Variants in LRP1B observed in about 807,000 individuals in gnomAD.
LRP1B encodes the protein low-density lipoprotein receptor-related protein 1B.
A neutral mutation model predicts 556.6 loss-of-function variants in LRP1B; 217 were observed. The observed-to-expected ratio is 0.39, with a 90% CI of 0.35 to 0.44. The LOEUF (loss-of-function observed/expected upper bound fraction) is 0.44. Ranked by LOEUF, LRP1B falls within the 20% of genes least tolerant of loss-of-function variation. The pLI is 1.00. For missense variants in LRP1B, 5,053 were observed against 5,620.8 expected (o/e 0.90, Z 3.23); for synonymous variants, 2,047 against 1,865.8 (o/e 1.10, Z -2.50).
chr2:141,482,138 TAAAAG>T (rs923195680), intron 2 of LRP1B, among the ~76,000 whole-genome samples: 3 of 152,076 alleles, frequency 2.0e-5, no homozygotes, highest in African/African-American at 7.2e-5. Context: ...AGAAAACAAA[TAAAAG>T]AAAACAAAAA....
chr2:141,233,610 T>C (rs1265399832), intron 5 of LRP1B, among the ~76,000 whole-genome samples: 1 of 152,136 alleles, frequency 6.6e-6, no homozygotes, highest in Non-Finnish European at 1.5e-5. Flanking sequence ...AAGCCTATCT[T>C]TATCTTCTCA....
chr2:141,062,559 A>C (rs1017877370), intron 7 of LRP1B, among the ~76,000 whole-genome samples: 6 of 151,794 alleles, frequency 4.0e-5, no homozygotes, highest in South Asian at 2.1e-4. Context: ...TTTAAGCCTC[A>C]TGGAGCTGAA....
chr2:141,415,394 T>A (rs1573920195), intron 3 of LRP1B, among the ~76,000 whole-genome samples: 1 of 152,136 alleles, frequency 6.6e-6, no homozygotes, highest in East Asian at 1.9e-4. Flanking sequence ...TCATCTGTGT[T>A]CCTACAAGAG....
chr2:140,749,316 T>C (rs1688489760), intron 35 of LRP1B, among the ~76,000 whole-genome samples: 1 of 152,140 alleles, frequency 6.6e-6, no homozygotes, highest in Non-Finnish European at 1.5e-5. Flanking sequence ...AATCTTTCTT[T>C]CTTCAATAAC....
chr2:141,042,235 T>G (rs879783591), intron 11 of LRP1B, among the ~76,000 whole-genome samples: 1 of 152,072 alleles, frequency 6.6e-6, no homozygotes, highest in Non-Finnish European at 1.5e-5. Context: ...GCTTATAGGC[T>G]TAGAACATGG....
intron 2 of LRP1B, among the ~76,000 whole-genome samples, chr2:141,496,160 T>G (rs1683501355): frequency 6.6e-6 from 1 of 152,014 alleles, no homozygotes; most frequent in African/African-American, 2.4e-5. Flanking sequence ...ATTAAACAAT[T>G]TCACCATTTT....
At chr2:141,399,585 A>G (rs1339218290) in intron 3 of LRP1B, among the ~76,000 whole-genome samples, 1 of 152,162 alleles carries the variant, frequency 6.6e-6, no homozygotes, top group African/African-American at 2.4e-5. Context: ...TAATATAACT[A>G]TAACCCCCAA....
intron 1 of LRP1B, among the ~76,000 whole-genome samples, chr2:141,852,954 A>G (rs111849079): frequency 1.3e-5 from 2 of 151,574 alleles, no homozygotes; most frequent in South Asian, 4.1e-4. Context: ...CATCATTATC[A>G]TATGGTGCAT....
intron 27 of LRP1B, 32 bp downstream of exon 27, chr2:140,867,558 G>A (rs1692988177): frequency 6.4e-7 from 1 of 1,572,518 alleles, no homozygotes; most frequent in Admixed American, 1.8e-5. Context: ...ATACTTTCTG[G>A]GTGGTTAATC....
intron 41 of LRP1B, among the ~76,000 whole-genome samples, chr2:140,694,478 G>T (rs1686357563): frequency 6.6e-6 from 1 of 152,038 alleles, no homozygotes; most frequent in Non-Finnish European, 1.5e-5. Context: ...ACTACTTCTG[G>T]TAGCATCTTA....
intron 84 of LRP1B, among the ~76,000 whole-genome samples, chr2:140,286,955 C>CTGAG (rs764961131): frequency 6.1e-4 from 92 of 151,804 alleles, no homozygotes; most frequent in African/African-American, 2.2e-3. Flanking sequence ...GATAGTGTAA[C>CTGAG]TGTCACCTGT....
intron 59 of LRP1B, among the ~76,000 whole-genome samples, chr2:140,476,018 G>C (rs1442410185): frequency 6.6e-6 from 1 of 151,910 alleles, no homozygotes; most frequent in Non-Finnish European, 1.5e-5. Flanking sequence ...AGATAGGACA[G>C]TTCCAAAAGT....
chr2:141,427,491 G>C (rs181525403), intron 3 of LRP1B, among the ~76,000 whole-genome samples: 28 of 152,242 alleles, frequency 1.8e-4, no homozygotes, highest in Admixed American at 9.2e-4. Flanking sequence ...TTGCTGTCTT[G>C]ATTTAATTAT....
intron 19 of LRP1B, among the ~76,000 whole-genome samples, chr2:140,951,220 C>T (rs1362466267): frequency 6.6e-6 from 1 of 152,120 alleles, no homozygotes; most frequent in Non-Finnish European, 1.5e-5. Flanking sequence ...CTTTACCCCT[C>T]CTCCTTGGCT....
At chr2:141,503,671 A>T (rs548039611) in intron 2 of LRP1B, among the ~76,000 whole-genome samples, 1 of 152,190 alleles carries the variant, frequency 6.6e-6, no homozygotes, top group East Asian at 1.9e-4. Flanking sequence ...AAAATATCAC[A>T]TCCTGGAACT....
intron 6 of LRP1B, among the ~76,000 whole-genome samples, chr2:141,197,395 CTTAT>C (rs747503016): frequency 2.0e-5 from 3 of 152,152 alleles, no homozygotes; most frequent in Non-Finnish European, 4.4e-5. Context: ...AATATGAAAT[CTTAT>C]TTATTATTTA....
At chr2:141,013,048 A>G (rs909023657) in intron 14 of LRP1B, among the ~76,000 whole-genome samples, 5 of 151,970 alleles carry the variant, frequency 3.3e-5, no homozygotes, top group Admixed American at 3.3e-4. Flanking sequence ...AGACATGAAT[A>G]TTGTTATAGA....
intron 35 of LRP1B, among the ~76,000 whole-genome samples, chr2:140,733,376 TA>T (rs1306586548): frequency 6.6e-6 from 1 of 152,100 alleles, no homozygotes; most frequent in Non-Finnish European, 1.5e-5. Flanking sequence ...ACCCTAAAGC[TA>T]AACAGTGAAA....
chr2:140,505,127 A>G (rs1689352208), intron 53 of LRP1B, among the ~76,000 whole-genome samples: 1 of 152,220 alleles, frequency 6.6e-6, no homozygotes, highest in African/African-American at 2.4e-5. Flanking sequence ...TTGTAAACAC[A>G]TATAGAATTT....
Sources: gnomAD v4.1 joint callset for allele counts (sites outside exome capture counted in the v4.1 genomes callset) on GRCh38, gnomAD v4.1.1 for gene constraint, MANE v1.5 for transcripts, NCBI Gene and HGNC (gene_info 2026-07-23, HGNC 2026-07-21) for gene names.